The following PDE10A variants were observed in gnomAD, a reference collection of about 807,000 sequenced individuals.
PDE10A encodes the protein phosphodiesterase 10A, also known as cAMP and cAMP-inhibited cGMP 3',5'-cyclic phosphodiesterase 10A.
In PDE10A, 39 loss-of-function variants were observed where a neutral mutation model predicts 97.7. The observed-to-expected ratio is 0.40, with a 90% confidence interval of 0.31 to 0.52. PDE10A has a LOEUF of 0.52. PDE10A is among the 20% of genes least tolerant of loss of function. The probability of loss-of-function intolerance (pLI) is 0.56; values close to 1 mark genes in which losing one functional copy is unlikely to be tolerated. For missense variants in PDE10A, 731 were observed against 1,047.8 expected (o/e 0.70, Z 4.17); for synonymous variants, 371 against 376.8 (o/e 0.98, Z 0.18).
At chr6:165,959,921 C>T (rs568202337) in intron 1 of PDE10A, among the ~76,000 whole-genome samples, 37 of 152,256 alleles carry the variant, frequency 2.4e-4, no homozygotes, top group African/African-American at 6.3e-4. Flanking sequence ...CACCCAGAGG[C>T]GACTTCCTGC....
intron 1 of PDE10A, among the ~76,000 whole-genome samples, chr6:165,592,037 G>C (rs971769807): frequency 6.6e-6 from 1 of 152,082 alleles, no homozygotes; most frequent in Non-Finnish European, 1.5e-5. Flanking sequence ...GAGGCATCAC[G>C]TTCCCTGACT....
Position 165,662,161 on chromosome 6 carries a change from G to GGGCGGC in PDE10A, c.645_650dup (p.Pro216_Pro217dup). 2.7e-6 allele frequency: 1 copy of GGGCGGC among 376,374 alleles called. No homozygotes were observed. Among genetic ancestry groups the GGGCGGC allele is most frequent in the Non-Finnish European group, 3.6e-6 (1 of 274,292 alleles). 23.3% of individuals were successfully genotyped at this position (376,374 alleles called of 1,614,324 possible). A position where few individuals can be genotyped will look rare whatever the true frequency, so the allele number is the denominator to read the frequency against. On this transcript the variant is annotated inframe_insertion, in exon 1 of 22. Transcript: ENST00000539869. ...GGGCGGCCTGGCCAAGGGGGAGCCGGGGCGGCGGCGGCGGCCGGGGACCGG... is the reference window on the plus strand; with the variant it reads ...GGGCGGCCTGGCCAAGGGGGAGCCGGGGCGGCGGCGGCGGCGGCGGCCGGGGACCGG...
chr6:165,567,134 C>A lies in PDE10A; in HGVS notation c.866-23566G>T, dbSNP rs1397694489. Among the ~76,000 whole-genome samples, 6 of 152,250 alleles carry A rather than the reference C, an allele frequency of 3.9e-5. No individual in the cohort carries two copies. The East Asian group carries it at 1.2e-3, about 29-fold the overall frequency. On this transcript the variant is annotated intron_variant, in intron 1 of 21. Transcript: ENST00000539869. ...AATAATGAGAACAAACTATTCAGAA[C>A]TGCATGGAATAATATGAGTGAAGTA...
intron 1 of PDE10A, among the ~76,000 whole-genome samples, chr6:165,977,196 A>G (rs1784874384): frequency 6.6e-6 from 1 of 152,226 alleles, no homozygotes; most frequent in South Asian, 2.1e-4. Flanking sequence ...TGATGCAGAA[A>G]AATAAAGAAG....
At chr6:165,376,908 C>A (rs1489472098) in intron 18 of PDE10A, among the ~76,000 whole-genome samples, 1 of 152,038 alleles carries the variant, frequency 6.6e-6, no homozygotes, top group Non-Finnish European at 1.5e-5. Context: ...AACAAGACCC[C>A]ATCTTTAAAA....
At chr6:165,649,520 T>C (rs551455823) in intron 1 of PDE10A, among the ~76,000 whole-genome samples, 1 of 152,220 alleles carries the variant, frequency 6.6e-6, no homozygotes, top group Non-Finnish European at 1.5e-5. Flanking sequence ...TTTGTCCCTC[T>C]GGCCCTGGGC....
rs974362673 is a variant in PDE10A at position 165,773,024 on chromosome 6, G to A, written c.-615+214505C>T. ...AATTATTTTTAAAAAATAGATTGCC[G>A]AAATGATCTGTGAAGCAAGGATCCC... On this transcript the variant is annotated intron_variant, in intron 1 of 19. Transcript: ENST00000366882. Among the ~76,000 whole-genome samples the A allele has an allele frequency of 5.3e-5, 8 of 152,246 alleles. No individual in the cohort carries two copies. The South Asian group carries it at 8.3e-4, about 16-fold the overall frequency.
In PDE10A at chr6:165,661,956, G is replaced by T; in HGVS notation, c.856C>A (p.Leu286Met). ...GGAGCAGGCCACTTACTGGGGCTCA[G>T]GAAGCACTCGGTCAGCCTTCGGAAG... ...SCFRRLTECF[L>M]SPSLTDEKVK... Residue 286 changes from leucine to methionine, a missense_variant, in exon 1 of 22, where the codon CTG becomes ATG. By Grantham distance (15) the Leu-to-Met change is conservative. This residue lies in a region of PDE10A where 181 missense variants were observed against 159.1 expected (regional missense o/e 1.14). Coordinates refer to ENST00000539869, the MANE Select transcript of PDE10A (RefSeq NM_001385079.1). The surrounding 1 kb of genome is among the most constrained non-coding windows in gnomAD (Gnocchi z 4.8). 1.8e-6 allele frequency: 2 copies of T among 1,090,564 alleles called. No homozygotes were observed. The highest frequency in any genetic ancestry group is 2.7e-5 in the East Asian group (1 of 37,256). 67.6% of individuals were successfully genotyped at this position (1,090,564 alleles called of 1,614,324 possible).
chr6:165,891,120 G>A (rs1043805660), intron 1 of PDE10A, among the ~76,000 whole-genome samples: 5 of 152,154 alleles, frequency 3.3e-5, no homozygotes, highest in East Asian at 1.9e-4. Flanking sequence ...CACCCATTGC[G>A]TTCCTTAAAG....
intron 1 of PDE10A, among the ~76,000 whole-genome samples, chr6:165,555,207 G>A (rs1216472374): frequency 6.6e-6 from 1 of 152,070 alleles, no homozygotes; most frequent in Non-Finnish European, 1.5e-5. Flanking sequence ...AAGCTTGTGG[G>A]GATGGATACC....
chr6:165,618,873 G>C (rs1367530771), intron 1 of PDE10A, among the ~76,000 whole-genome samples: 1 of 152,162 alleles, frequency 6.6e-6, no homozygotes, highest in African/African-American at 2.4e-5. Flanking sequence ...TACTAAAAGA[G>C]CCCTAGGAGC....
At chr6:165,412,598 G>A (rs753657689) in intron 13 of PDE10A, among the ~76,000 whole-genome samples, 8 of 152,164 alleles carry the variant, frequency 5.3e-5, no homozygotes, top group Admixed American at 1.3e-4. Context: ...GAGAGAGGAC[G>A]GGTACTCTCA....
At chr6:165,499,717 T>C (rs1025036570) in intron 2 of PDE10A, among the ~76,000 whole-genome samples, 4 of 152,326 alleles carry the variant, frequency 2.6e-5, no homozygotes, top group Admixed American at 1.3e-4. Flanking sequence ...GTATTAAAAA[T>C]AATGTTCCAT....
chr6:165,499,681 C>T (rs1187994401), intron 2 of PDE10A, among the ~76,000 whole-genome samples: 2 of 152,014 alleles, frequency 1.3e-5, no homozygotes, highest in African/African-American at 2.4e-5. Context: ...CAATTTTATC[C>T]ACATGTTGAA....
chr6:165,601,688 A>AC (rs1460988866), intron 1 of PDE10A, among the ~76,000 whole-genome samples: 4 of 152,198 alleles, frequency 2.6e-5, no homozygotes, highest in African/African-American at 9.7e-5. Context: ...AAATTCACAT[A>AC]GATTAGTCAG....
At chr6:165,869,608 T>C (rs1781144725) in intron 1 of PDE10A, among the ~76,000 whole-genome samples, 1 of 152,186 alleles carries the variant, frequency 6.6e-6, no homozygotes, top group Admixed American at 6.5e-5. Flanking sequence ...CTTAAATTCA[T>C]ATGGAATCAC....
chr6:165,920,087 G>A (rs969540628), intron 1 of PDE10A, among the ~76,000 whole-genome samples: 1 of 152,176 alleles, frequency 6.6e-6, no homozygotes, highest in African/African-American at 2.4e-5. Context: ...TTTAAATGCA[G>A]CCACACTTAT....
intron 1 of PDE10A, among the ~76,000 whole-genome samples, chr6:165,619,479 C>CTAGTG (rs199659055): frequency 1.7e-4 from 3 of 18,150 alleles, no homozygotes; most frequent in Non-Finnish European, 2.0e-4. Context: ...GTAGTGTAGT[C>CTAGTG]TAGTGTAGTC....
chr6:165,921,617 T>C (rs1782755048), intron 1 of PDE10A, among the ~76,000 whole-genome samples: 2 of 152,006 alleles, frequency 1.3e-5, no homozygotes, highest in South Asian at 2.1e-4. Context: ...TGGGCACAGA[T>C]CAAAAGGGGT....
Sources: allele counts gnomAD v4.1 joint callset (sites outside exome capture counted in the v4.1 genomes callset), GRCh38; gene constraint gnomAD v4.1.1; regional missense constraint gnomAD v4.1.1; non-coding constraint Gnocchi (gnomAD v3.1); transcripts MANE v1.5; gene names NCBI Gene and HGNC (gene_info 2026-07-23, HGNC 2026-07-21).